The following FHIP2B variants were observed in gnomAD, a reference collection of about 807,000 sequenced individuals.
FHIP2B encodes FHF complex subunit HOOK-interacting protein 2B.
Under a neutral mutation model 84.0 loss-of-function variants are expected in FHIP2B, and 72 were observed. The observed-to-expected ratio is 0.86, with a 90% CI of 0.71 to 1.04. FHIP2B has a LOEUF of 1.04. Among genes scored for constraint, FHIP2B ranks in the 50% least tolerant of loss-of-function variants. The probability of loss-of-function intolerance (pLI) is 0.00; values close to 1 mark genes in which losing one functional copy is unlikely to be tolerated. For synonymous variants in FHIP2B, 497 were observed against 418.7 expected, an observed-to-expected ratio of 1.19 and a Z score of -2.28; for missense variants, 972 against 968.9, an observed-to-expected ratio of 1.00 and a Z score of -0.04.
intron 1 of FHIP2B, chr8:22,089,985 C>A: frequency 2.2e-6 from 1 of 457,548 alleles, no homozygotes; most frequent in Non-Finnish European, 3.7e-6. Context: ...CGTGGTGGGG[C>A]CTGGGTGGCC....
At chr8:22,099,235 G>A in intron 8 of FHIP2B, 49 bp from the exon 9 acceptor site, 1 of 1,602,794 alleles carries the variant, frequency 6.2e-7, no homozygotes, top group East Asian at 2.2e-5. Context: ...TTATTTCTCA[G>A]CTGGAATTGT....
At chr8:22,101,638 C>A in intron 13 of FHIP2B, 70 bp from the exon 14 acceptor site, 1 of 1,560,784 alleles carries the variant, frequency 6.4e-7, no homozygotes. Flanking sequence ...GCCCATCCCT[C>A]CTGCGTGGGG....
intron 1 of FHIP2B, among the ~76,000 whole-genome samples, chr8:22,090,500 A>C (rs1027700421): frequency 1.8e-4 from 27 of 152,132 alleles, no homozygotes; most frequent in Non-Finnish European, 3.5e-4. Flanking sequence ...CCCCATCCCC[A>C]GTCAAAACAG....
chr8:22,091,135 C>T (rs928612323), intron 1 of FHIP2B, among the ~76,000 whole-genome samples: 1 of 152,024 alleles, frequency 6.6e-6, no homozygotes, highest in East Asian at 1.9e-4. Flanking sequence ...TTTCCCAAGC[C>T]TTGGTCACCA....
chr8:22,094,225 T>C (rs767890883), intron 1 of FHIP2B, among the ~76,000 whole-genome samples: 16 of 151,540 alleles, frequency 1.1e-4, no homozygotes, highest in Admixed American at 2.6e-4. Context: ...GAGGGAGGGG[T>C]ATCTAGGGAG....
intron 3 of FHIP2B, 192 bp downstream of exon 3, chr8:22,096,701 T>C: frequency 1.4e-6 from 1 of 737,692 alleles, no homozygotes; most frequent in Non-Finnish European, 2.0e-6. Flanking sequence ...TTTCTGCCTA[T>C]GCTCTTCCCA....
At chr8:22,099,671 A>T (rs778605240) in intron 9 of FHIP2B, 33 bp from the exon 10 acceptor site, 6 of 1,542,728 alleles carry the variant, frequency 3.9e-6, no homozygotes, top group East Asian at 2.3e-5. Context: ...GTCTGCACAC[A>T]CCGGGCCTGG....
At chr8:22,089,795 C>T in intron 1 of FHIP2B, 7 of 1,286,586 alleles carry the variant, frequency 5.4e-6, no homozygotes, top group Non-Finnish European at 7.1e-6. Flanking sequence ...GCAGGACGCC[C>T]TTCCCGTCAC....
chr8:22,096,819 A>C, intron 3 of FHIP2B: 1 of 256,228 alleles, frequency 3.9e-6, no homozygotes, highest in Non-Finnish European at 7.4e-6. Flanking sequence ...TTCCCAGTTC[A>C]CTCCACAAAG....
intron 5 of FHIP2B, 77 bp downstream of exon 5, chr8:22,097,916 C>A (rs947072830): frequency 6.3e-7 from 1 of 1,577,608 alleles, no homozygotes; most frequent in African/African-American, 1.4e-5. Context: ...CCTGAGGAGG[C>A]AGAAGCAGAG....
At position 22,098,276 on chromosome 8, in the gene FHIP2B, T is replaced by C; in HGVS notation, c.734T>C (p.Leu245Pro). 6.4e-7 allele frequency: 1 copy of C among 1,573,520 alleles called. No individual in the cohort carries two copies. Among genetic ancestry groups the C allele is most frequent in the Non-Finnish European group, 8.6e-7 (1 of 1,161,756 alleles). Residue 245 changes from leucine to proline, a missense_variant, in exon 6 of 17, where the codon CTG becomes CCG. Transcript: ENST00000289921. ...GACGGTGGGACCACAGAGAGCAACCTGATTACCTCCCTGCTTGGGCTGTGC... is the reference window on the plus strand; with the variant it reads ...GACGGTGGGACCACAGAGAGCAACCCGATTACCTCCCTGCTTGGGCTGTGC... ...ELDGGTTESN[L>P]ITSLLGLCQS...
chr8:22,101,997 C>A, intron 14 of FHIP2B, 146 bp downstream of exon 14: 1 of 1,504,244 alleles, frequency 6.6e-7, no homozygotes, highest in South Asian at 1.3e-5. Flanking sequence ...CGTCTCACCC[C>A]TGCTCCACAC....
In FHIP2B at chr8:22,097,845, C is replaced by G; in HGVS notation, c.525+6C>G. ...TGCTCGCCTACATCCTGGAAGTGAG[C>G]ACTCTGATCGGGAACAGGAGGGGGA... On this transcript the variant is annotated splice_donor_region_variant and intron_variant, in intron 5 of 16. Coordinates refer to ENST00000289921, the MANE Select transcript of FHIP2B (RefSeq NM_022749.7). The G allele has an allele frequency of 6.2e-7, 1 of 1,612,048 alleles. No homozygotes were observed. The highest frequency in any genetic ancestry group is 8.5e-7 in the Non-Finnish European group (1 of 1,178,904).
chr8:22,090,301 C>G (rs959016862), intron 1 of FHIP2B, among the ~76,000 whole-genome samples: 1 of 152,170 alleles, frequency 6.6e-6, no homozygotes, highest in Non-Finnish European at 1.5e-5. Context: ...TTTCACCCTC[C>G]TTCCTCCCCA....
chr8:22,090,153 T>TTGG lies in FHIP2B; in HGVS notation c.45+855_45+856insTGG, dbSNP rs1554573640. On this transcript the variant is annotated intron_variant, in intron 1 of 16. Transcript: ENST00000289921. ...AAGGGTGGGGGTATTCCCGGTAGGG[T>TTGG]GGGGGGGGTGCCCGCTGTTGAAAGT... 1.3e-4 allele frequency among the ~76,000 whole-genome samples: 13 copies of TTGG among 97,796 alleles called. 2 individuals are homozygous for TTGG. The highest frequency in any genetic ancestry group is 2.7e-4 in the Non-Finnish European group (13 of 48,142). The allele number at this position is 97,796 out of a possible 152,430, so 64.2% of individuals were successfully genotyped here.
At chr8:22,090,161 G>GGGGT (rs35234318) in intron 1 of FHIP2B, among the ~76,000 whole-genome samples, 1 of 134,962 alleles carries the variant, frequency 7.4e-6, no homozygotes, top group Non-Finnish European at 1.6e-5. Context: ...GGTGGGGGGG[G>GGGGT]TGCCCGCTGT....
intron 10 of FHIP2B, 167 bp downstream of exon 10, chr8:22,100,060 T>G: frequency 3.3e-6 from 2 of 600,756 alleles, no homozygotes; most frequent in Non-Finnish European, 5.0e-6. Flanking sequence ...TCTATGATCA[T>G]ATACTTTTTT....
rs568761716 is a variant in FHIP2B at position 22,094,461 on chromosome 8, C to T, written c.67C>T (p.Leu23=). The T allele has an allele frequency of 6.0e-5, 96 of 1,611,460 alleles. No homozygotes were observed. The East Asian group carries it at 1.9e-3, about 32-fold the overall frequency. Residue 23 remains leucine (L), a synonymous_variant, in exon 2 of 17, where the codon CTG becomes TTG. Transcript: ENST00000289921. The stretch of plus-strand genomic sequence containing the variant: ...GCAGCGCGAGCCCAGCATTGACCTG[C>T]TGCAGGCCTTCGTGGAGCACTGGAA... ...VGAREPSIDL[L]QAFVEHWKGI...
intron 1 of FHIP2B, 108 bp from the exon 2 acceptor site, chr8:22,094,332 A>G (rs1316550417): frequency 4.5e-6 from 5 of 1,105,464 alleles, no homozygotes; most frequent in African/African-American, 1.7e-5. Flanking sequence ...GTGCCTCCTC[A>G]TGAGGAGGCC....
Sources: gnomAD v4.1 joint callset for allele counts (sites outside exome capture counted in the v4.1 genomes callset) on GRCh38, gnomAD v4.1.1 for gene constraint, MANE v1.5 for transcripts, NCBI Gene and HGNC (gene_info 2026-07-23, HGNC 2026-07-21) for gene names.